RAB9B: variants seen among roughly 807,000 people sequenced by gnomAD.
RAB9B encodes RAB9B, member RAS oncogene family.
A neutral mutation model predicts 8.9 loss-of-function variants in RAB9B; 1 was observed. The observed-to-expected ratio is 0.11, with a 90% confidence interval of 0.04 to 0.53. The LOEUF (loss-of-function observed/expected upper bound fraction) is 0.53, where lower values mean the gene tolerates loss of function less well. RAB9B is among the 20% of genes least tolerant of loss of function. The probability of loss-of-function intolerance (pLI) is 0.93; values close to 1 mark genes in which losing one functional copy is unlikely to be tolerated. For missense variants in RAB9B, 82 were observed against 152.9 expected (o/e 0.54, Z 2.45); for synonymous variants, 63 against 57.0 (o/e 1.10, Z -0.47).
chrX:103,809,747 A>G, the RAB9B span, among the ~76,000 whole-genome samples: 1 of 111,527 alleles, frequency 9.0e-6, no homozygotes, highest in Non-Finnish European at 1.9e-5. Flanking sequence ...TGGTAGTTCA[A>G]GCTGGGGCAG....
chrX:103,813,448 G>GTTTGTT, the RAB9B span, among the ~76,000 whole-genome samples: 28,432 of 107,344 alleles, frequency 0.26, 3,117 homozygotes, highest in East Asian at 0.36. Context: ...CACAAGAACT[G>GTTTGTT]TTTGTTTTTG....
In RAB9B at chrX:103,822,535, G is replaced by C. The variant is rs745806767; in HGVS notation, c.*2644C>G. 6 of 111,637 alleles carry C rather than the reference G, an allele frequency of 5.4e-5. No individual in the cohort carries two copies. Among genetic ancestry groups the C allele is most frequent in the Admixed American group, 9.5e-5 (1 of 10,479 alleles). 9.2% of individuals were successfully genotyped at this position (111,637 alleles called of 1,213,427 possible). ...AATCCACTGAAGACATATGGAATCT[G>C]AGGCCCCTGAAAGTTAGCCAATACA... On this transcript the variant is annotated 3_prime_UTR_variant, in exon 3 of 3. Transcript: ENST00000243298.
intron 1 of RAB9B, among the ~76,000 whole-genome samples, chrX:103,829,680 C>T (rs765321104): frequency 1.8e-5 from 2 of 112,033 alleles, no homozygotes; most frequent in Non-Finnish European, 3.8e-5. Flanking sequence ...AAGGTCTTGC[C>T]CTCAGGGAGT....
At position 103,825,293 on chromosome X, in the gene RAB9B, G is replaced by A. The variant is rs1472480203; in HGVS notation, c.492C>T (p.Ala164=). ...SAKDDTNVTV[A]FEEAVRQVLA... is the part of the protein sequence containing the mutation. The stretch of plus-strand genomic sequence containing the variant: ...GCACCTGCCTGACAGCTTCTTCAAA[G>A]GCCACTGTCACATTAGTATCATCTT... The change falls in exon 3 of 3, where the codon GCC becomes GCT. Residue 164 remains alanine, a synonymous_variant. Transcript: ENST00000243298. 1.3e-5 allele frequency: 16 copies of A among 1,209,499 alleles called. No homozygotes were observed. The highest frequency in any genetic ancestry group is 1.8e-5 in the African/African-American group (1 of 56,933).
the RAB9B span, chrX:103,786,601 G>A: frequency 1.5e-5 from 18 of 1,211,719 alleles, no homozygotes; most frequent in Admixed American, 2.2e-5. Context: ...CACCATCTGC[G>A]GCAAGGGCCT....
At chrX:103,827,527 G>A (rs1285806319) in intron 1 of RAB9B, among the ~76,000 whole-genome samples, 1 of 111,940 alleles carries the variant, frequency 8.9e-6, no homozygotes, top group Non-Finnish European at 1.9e-5. Flanking sequence ...TCACCAGTCT[G>A]TCTCAAGGTT....
At chrX:103,819,651 T>C (rs1037557725), downstream of RAB9B, among the ~76,000 whole-genome samples, 1 of 112,045 alleles carries the variant, frequency 8.9e-6, no homozygotes, top group Non-Finnish European at 1.9e-5. Context: ...TCACCAGTTT[T>C]GGCAAGCATA....
At chrX:103,777,148 G>A in the RAB9B span, 1 of 541,699 alleles carries the variant, frequency 1.8e-6, no homozygotes. Flanking sequence ...CATTCAGTTA[G>A]ATTAACTCCT....
At chrX:103,816,765 G>T in the RAB9B span, among the ~76,000 whole-genome samples, 1 of 111,875 alleles carries the variant, frequency 8.9e-6, no homozygotes, top group African/African-American at 3.3e-5. Context: ...TCAAAAAGTG[G>T]GTGAAGGATA....
chrX:103,810,132 G>A, the RAB9B span, among the ~76,000 whole-genome samples: 2 of 111,470 alleles, frequency 1.8e-5, no homozygotes, highest in Non-Finnish European at 3.8e-5. Flanking sequence ...ATAAGACTGA[G>A]TAAGGGGCCA....
chrX:103,785,993 T>G, the RAB9B span: 10 of 266,766 alleles, frequency 3.7e-5, no homozygotes, highest in South Asian at 5.7e-5. Flanking sequence ...CCCCGCCCCC[T>G]TGTTTTCTTA....
At chrX:103,781,409 T>C in the RAB9B span, 14 of 263,636 alleles carry the variant, frequency 5.3e-5, no homozygotes, top group Non-Finnish European at 9.9e-5. Flanking sequence ...TTGATTAGAC[T>C]TGTTTTGGGA....
At chrX:103,785,485 A>C in the RAB9B span, 2 of 766,602 alleles carry the variant, frequency 2.6e-6, no homozygotes, top group Non-Finnish European at 4.0e-6. Flanking sequence ...AGTGCCCACT[A>C]TCTCCGAGCC....
At chrX:103,793,513 A>T in the RAB9B span, among the ~76,000 whole-genome samples, 7 of 112,392 alleles carry the variant, frequency 6.2e-5, no homozygotes, top group East Asian at 2.0e-3. Context: ...CGACTTTAAG[A>T]CATAAAGAAT....
the RAB9B span, among the ~76,000 whole-genome samples, chrX:103,813,724 A>T: frequency 2.3e-5 from 2 of 86,153 alleles, no homozygotes; most frequent in Non-Finnish European, 4.4e-5. Flanking sequence ...ATGGAGGAAG[A>T]TCTACCATGC....
At chrX:103,813,109 G>C in the RAB9B span, among the ~76,000 whole-genome samples, 1 of 109,312 alleles carries the variant, frequency 9.1e-6, no homozygotes, top group South Asian at 4.1e-4. Context: ...TTTTAGTAGA[G>C]ACGGGGTTTC....
At chrX:103,815,129 A>G in the RAB9B span, among the ~76,000 whole-genome samples, 1 of 112,204 alleles carries the variant, frequency 8.9e-6, no homozygotes, top group African/African-American at 3.2e-5. Context: ...GCAGAGACAG[A>G]CACAACAAAA....
At chrX:103,811,592 G>GA in the RAB9B span, among the ~76,000 whole-genome samples, 1 of 110,694 alleles carries the variant, frequency 9.0e-6, no homozygotes, top group Non-Finnish European at 1.9e-5. Flanking sequence ...AAATATTCTA[G>GA]AAAAAAAATT....
At chrX:103,785,152 G>A in the RAB9B span, among the ~76,000 whole-genome samples, 3 of 109,760 alleles carry the variant, frequency 2.7e-5, no homozygotes, top group Admixed American at 9.7e-5. Context: ...CTTGGCTCAC[G>A]GCAACCTCCG....
Sources: gnomAD v4.1 joint callset for allele counts (sites outside exome capture counted in the v4.1 genomes callset) on GRCh38, gnomAD v4.1.1 for gene constraint, MANE v1.5 for transcripts, NCBI Gene and HGNC (gene_info 2026-07-23, HGNC 2026-07-21) for gene names.